ABTB2: variants seen among roughly 807,000 people sequenced by gnomAD.
The protein encoded by ABTB2 is ankyrin repeat and BTB/POZ domain-containing protein 2.
In ABTB2, 56 loss-of-function variants were observed where a neutral mutation model predicts 104.1. The observed-to-expected ratio is 0.54, with a 90% CI of 0.43 to 0.67. ABTB2 has a LOEUF of 0.67. Among genes scored for constraint, ABTB2 ranks in the 30% least tolerant of loss-of-function variants. The pLI is 0.00. For missense variants in ABTB2, 1,279 were observed against 1,407.7 expected (o/e 0.91, Z 1.46); for synonymous variants, 606 against 608.2 (o/e 1.00, Z 0.05).
intron 3 of ABTB2, among the ~76,000 whole-genome samples, chr11:34,179,714 C>A (rs189231131): frequency 9.2e-5 from 14 of 152,286 alleles, no homozygotes; most frequent in Non-Finnish European, 1.2e-4. Flanking sequence ...GTTTTTAACT[C>A]CTTTCATTGT....
rs532022172 is a variant in ABTB2 at position 34,193,126 on chromosome 11, A to C, written c.1244+4199T>G. Among the ~76,000 whole-genome samples, 3 of 152,284 alleles carry C rather than the reference A, an allele frequency of 2.0e-5. No individual in the cohort carries two copies. In the South Asian group the frequency reaches 6.2e-4, roughly 32 times the overall value. ...ACCAGATGGTTGTCCTTTCTCCTCC[A>C]GACCTCAGAGGAAGGAGGCTCCCGA... On this transcript the variant is annotated intron_variant, in intron 3 of 16. Coordinates refer to ENST00000435224, the MANE Select transcript of ABTB2 (RefSeq NM_145804.3).
intron 1 of ABTB2, among the ~76,000 whole-genome samples, chr11:34,307,000 A>G (rs1263015705): frequency 6.6e-6 from 1 of 151,100 alleles, no homozygotes; most frequent in African/African-American, 2.4e-5. Context: ...AAAAAAAAAA[A>G]AAAAGAAAGA....
chr11:34,211,770 T>C (rs1450973826), intron 1 of ABTB2, among the ~76,000 whole-genome samples: 1 of 151,576 alleles, frequency 6.6e-6, no homozygotes. Flanking sequence ...ACACCTGTAA[T>C]CCCAGCTACT....
intron 2 of ABTB2, among the ~76,000 whole-genome samples, chr11:34,202,272 AG>A (rs1426604344): frequency 1.3e-5 from 2 of 152,220 alleles, no homozygotes; most frequent in African/African-American, 4.8e-5. Flanking sequence ...GAAAATGTGA[AG>A]GACCAATGTA....
At chr11:34,313,500 G>T (rs1414546126) in intron 1 of ABTB2, among the ~76,000 whole-genome samples, 1 of 152,360 alleles carries the variant, frequency 6.6e-6, no homozygotes, top group Non-Finnish European at 1.5e-5. Flanking sequence ...TGGGGCCCAG[G>T]CTCCCCGGAG....
In ABTB2 at chr11:34,357,834, C is replaced by A; in HGVS notation, c.-251G>T. ...ACTGGAAAGAACCCCGTCGCTACCC[C>A]CCGGCACTCCCCCTTGTCCACCTCT... On this transcript the variant is annotated 5_prime_UTR_variant, in exon 1 of 17. Coordinates refer to ENST00000435224, the MANE Select transcript of ABTB2 (RefSeq NM_145804.3). 1 of 487,304 alleles carries A rather than the reference C, an allele frequency of 2.1e-6. No homozygotes were observed. The highest frequency in any genetic ancestry group is 3.6e-6 in the Non-Finnish European group (1 of 275,130). 30.2% of individuals were successfully genotyped at this position (487,304 alleles called of 1,614,324 possible). A position where few individuals can be genotyped will look rare whatever the true frequency, so the allele number is the denominator to read the frequency against.
chr11:34,224,261 C>T (rs540057103), intron 1 of ABTB2, among the ~76,000 whole-genome samples: 3 of 152,228 alleles, frequency 2.0e-5, no homozygotes, highest in South Asian at 4.1e-4. Context: ...CCTTTTGCTT[C>T]GGCCTCCCAA....
At chr11:34,335,322 G>C (rs940448217) in intron 1 of ABTB2, 1 of 1,067,890 alleles carries the variant, frequency 9.4e-7, no homozygotes. Flanking sequence ...CAAACCAGAT[G>C]ATGGGTCAGT....
intron 1 of ABTB2, chr11:34,335,589 A>G: frequency 6.7e-7 from 1 of 1,501,880 alleles, no homozygotes; most frequent in Non-Finnish European, 9.3e-7. Flanking sequence ...TTCAAAGTTA[A>G]GTTTCTGCAC....
intron 1 of ABTB2, among the ~76,000 whole-genome samples, chr11:34,289,216 A>T (rs554409826): frequency 2.0e-5 from 3 of 152,348 alleles, no homozygotes; most frequent in African/African-American, 7.2e-5. Flanking sequence ...TTCCCTTAAC[A>T]TCAAAGTTCC....
intron 1 of ABTB2, among the ~76,000 whole-genome samples, chr11:34,312,323 C>T (rs980178137): frequency 6.6e-6 from 1 of 152,130 alleles, no homozygotes; most frequent in Non-Finnish European, 1.5e-5. Flanking sequence ...CAGAGGGTCT[C>T]TACGAGGCAA....
At chr11:34,210,182 T>C (rs1301467168) in intron 1 of ABTB2, among the ~76,000 whole-genome samples, 2 of 152,158 alleles carry the variant, frequency 1.3e-5, no homozygotes, top group Admixed American at 6.5e-5. Context: ...AAAGGCCAAA[T>C]TGATGGGGAT....
chr11:34,188,416 G>A (rs1208781115), intron 3 of ABTB2, among the ~76,000 whole-genome samples: 3 of 152,154 alleles, frequency 2.0e-5, no homozygotes, highest in Non-Finnish European at 4.4e-5. Flanking sequence ...GTGCTCTGAA[G>A]GAAACAAAAA....
chr11:34,186,715 C>T (rs533997372), intron 3 of ABTB2, among the ~76,000 whole-genome samples: 11 of 152,188 alleles, frequency 7.2e-5, no homozygotes, highest in Non-Finnish European at 1.2e-4. Context: ...CCTGTCCTGT[C>T]TCTATCCCTG....
At chr11:34,219,476 G>A (rs753746166) in intron 1 of ABTB2, among the ~76,000 whole-genome samples, 3 of 152,142 alleles carry the variant, frequency 2.0e-5, no homozygotes, top group Non-Finnish European at 4.4e-5. Context: ...CCAGAAGGTT[G>A]AGGCTACAGT....
rs558019569 is a variant in ABTB2, at chr11:34,338,095, T to C, written c.883+18606A>G. On this transcript the variant is annotated intron_variant, in intron 1 of 16. Coordinates refer to ENST00000435224, the MANE Select transcript of ABTB2 (RefSeq NM_145804.3). ...GCAAGAGTTGCTTTAAAAATACAGATGTCGGCCAGGCACAGTGGCTCACAC... is the reference window on the plus strand; with the variant it reads ...GCAAGAGTTGCTTTAAAAATACAGACGTCGGCCAGGCACAGTGGCTCACAC... Among the ~76,000 whole-genome samples, 5 of 152,126 alleles carry C rather than the reference T, an allele frequency of 3.3e-5. No homozygotes were observed. The South Asian group carries it at 8.3e-4, about 25-fold the overall frequency.
intron 3 of ABTB2, among the ~76,000 whole-genome samples, chr11:34,178,640 G>A (rs1590208657): frequency 6.6e-6 from 1 of 152,214 alleles, no homozygotes; most frequent in South Asian, 2.1e-4. Flanking sequence ...ATATCTGCAG[G>A]GCCAGAGCCA....
rs543858988 is a variant in ABTB2, at chr11:34,197,288, C to T, written c.1244+37G>A. ...GTCGGTCAATGCACGTTTGGGAGCA[C>T]GTCCCACCAGGTGCTCAGCCCAAGG... On this transcript the variant is annotated intron_variant, in intron 3 of 16. Transcript: ENST00000435224. The T allele has an allele frequency of 3.3e-5, 53 of 1,602,806 alleles. No homozygotes were observed. In the South Asian group the frequency reaches 3.5e-4, roughly 11 times the overall value.
intron 1 of ABTB2, among the ~76,000 whole-genome samples, chr11:34,310,001 C>T (rs1362295947): frequency 1.3e-5 from 2 of 152,200 alleles, no homozygotes; most frequent in African/African-American, 4.8e-5. Context: ...CTCCTGACAG[C>T]GGCCTAGCGA....
Sources: allele counts gnomAD v4.1 joint callset (sites outside exome capture counted in the v4.1 genomes callset), GRCh38; gene constraint gnomAD v4.1.1; transcripts MANE v1.5; gene names NCBI Gene and HGNC (gene_info 2026-07-23, HGNC 2026-07-21).